Variants in GALNT1 observed in about 807,000 individuals in gnomAD.
GALNT1 encodes the protein GalNAc transferase 1.
GALNT1 carries 17 observed loss-of-function variants against 65.7 expected under a neutral mutation model. The observed-to-expected ratio is 0.26, with a 90% CI of 0.18 to 0.39. GALNT1 has a LOEUF of 0.39. GALNT1 is among the 10% of genes least tolerant of loss of function. The probability of loss-of-function intolerance (pLI) is 1.00; values close to 1 mark genes in which losing one functional copy is unlikely to be tolerated. For synonymous variants in GALNT1, 210 were observed against 219.7 expected (o/e 0.96, Z 0.39); for missense variants, 460 against 672.8 (o/e 0.68, Z 3.50).
intron 1 of GALNT1, among the ~76,000 whole-genome samples, chr18:35,635,581 G>A (rs996781964): frequency 1.7e-4 from 26 of 152,162 alleles, no homozygotes; most frequent in African/African-American, 5.8e-4. Flanking sequence ...GACCTGCTGT[G>A]TTAACTCGAT....
chr18:35,668,408 T>C (rs1197867733), intron 3 of GALNT1, among the ~76,000 whole-genome samples: 1 of 152,098 alleles, frequency 6.6e-6, no homozygotes, highest in African/African-American at 2.4e-5. Flanking sequence ...ACATCGAGTA[T>C]AGAGGCTCAA....
At chr18:35,661,456 C>T (rs1482969753) in intron 2 of GALNT1, among the ~76,000 whole-genome samples, 1 of 151,264 alleles carries the variant, frequency 6.6e-6, no homozygotes, top group African/African-American at 2.4e-5. Flanking sequence ...GCCAAGATTG[C>T]ACCACTGCAC....
At chr18:35,649,973 T>C (rs1321556758) in intron 1 of GALNT1, among the ~76,000 whole-genome samples, 3 of 152,170 alleles carry the variant, frequency 2.0e-5, no homozygotes, top group Non-Finnish European at 4.4e-5. Context: ...GTGCCGAAGA[T>C]TCCCAGATGA....
chr18:35,675,442 T>C (rs2047697622), intron 3 of GALNT1, among the ~76,000 whole-genome samples: 1 of 152,220 alleles, frequency 6.6e-6, no homozygotes, highest in South Asian at 2.1e-4. Flanking sequence ...ATATTGCTTC[T>C]CTCTCTGATT....
chr18:35,632,221 A>G (rs1483286588), intron 1 of GALNT1, among the ~76,000 whole-genome samples: 1 of 152,238 alleles, frequency 6.6e-6, no homozygotes, highest in African/African-American at 2.4e-5. Flanking sequence ...TATGGAGCCA[A>G]AAAAGAGCCC....
At chr18:35,630,649 G>C (rs1306493079) in intron 1 of GALNT1, among the ~76,000 whole-genome samples, 1 of 152,120 alleles carries the variant, frequency 6.6e-6, no homozygotes. Flanking sequence ...AAGAACTAGA[G>C]AAGCAAGAGC....
chr18:35,689,069 T>G, intron 6 of GALNT1, 104 bp from the exon 7 acceptor site: 1 of 767,736 alleles, frequency 1.3e-6, no homozygotes, highest in Non-Finnish European at 2.3e-6. Context: ...TGAGAATAAG[T>G]ACTTACTCAG....
intron 1 of GALNT1, among the ~76,000 whole-genome samples, chr18:35,582,910 T>G (rs990689334): frequency 2.0e-5 from 3 of 152,222 alleles, no homozygotes; most frequent in African/African-American, 7.2e-5. Flanking sequence ...ACTATTAAAA[T>G]TAAATTTTAA....
intron 1 of GALNT1, among the ~76,000 whole-genome samples, chr18:35,648,020 A>G (rs1455854373): frequency 6.8e-6 from 1 of 147,276 alleles, no homozygotes; most frequent in African/African-American, 2.6e-5. Flanking sequence ...GTCAAAAACA[A>G]AAAGAGAAGA....
chr18:35,672,741 A>T (rs2144536076), intron 3 of GALNT1, among the ~76,000 whole-genome samples: 1 of 151,990 alleles, frequency 6.6e-6, no homozygotes, highest in East Asian at 1.9e-4. Context: ...AGGAAGTGTA[A>T]GACAGATTCC....
At position 35,709,374 on chromosome 18, in the gene GALNT1, A is replaced by C. The variant is rs1319422695; in HGVS notation, c.1534-250A>C. ...TCTTGCAGCAAGTCAAGTGTACCCT[A>C]CTGGACCCCAGTGCCTTTCTCCCTC... On this transcript the variant is annotated intron_variant, in intron 11 of 11. Coordinates refer to ENST00000269195, the MANE Select transcript of GALNT1 (RefSeq NM_020474.4). 2.6e-5 allele frequency among the ~76,000 whole-genome samples: 4 copies of C among 151,794 alleles called. No homozygotes were observed. The East Asian group carries it at 7.7e-4, about 29-fold the overall frequency.
rs942941786 is a variant in GALNT1, at chr18:35,682,373, CTACTTT to C, written c.482-1015_482-1010del. ...ACTATGTAGGAAGCCTTTTGGATCTCTACTTTTAGTATTTAATTAATAGATATGAGG... is the reference window on the plus strand; with the variant it reads ...ACTATGTAGGAAGCCTTTTGGATCTCTAGTATTTAATTAATAGATATGAGG... On this transcript the variant is annotated intron_variant, in intron 4 of 11. Coordinates refer to ENST00000269195, the MANE Select transcript of GALNT1 (RefSeq NM_020474.4). Among the ~76,000 whole-genome samples the C allele has an allele frequency of 9.4e-4, 143 of 152,208 alleles. 1 individual carries two copies. The highest frequency in any genetic ancestry group is 3.0e-3 in the African/African-American group (124 of 41,540).
rs570800476 is a variant in GALNT1, at chr18:35,693,632, A to C, written c.1299+1312A>C. 8.5e-5 allele frequency among the ~76,000 whole-genome samples: 13 copies of C among 152,330 alleles called. No homozygotes were observed. In the East Asian group the frequency reaches 2.5e-3, roughly 29 times the overall value. ...AGACACTGACTGTAAAGTTGCCATT[A>C]CTGAGATGGGAAAACCTACAGGAAG... is the stretch of plus-strand genomic sequence containing the variant. On this transcript the variant is annotated intron_variant, in intron 9 of 11. Coordinates refer to ENST00000269195, the MANE Select transcript of GALNT1 (RefSeq NM_020474.4).
At chr18:35,663,323 A>G (rs1405406121) in intron 2 of GALNT1, among the ~76,000 whole-genome samples, 1 of 152,216 alleles carries the variant, frequency 6.6e-6, no homozygotes, top group East Asian at 1.9e-4. Context: ...CTAGGAGGCC[A>G]TAAGAATAAC....
chr18:35,658,902 G>C (rs1256721979), intron 2 of GALNT1, among the ~76,000 whole-genome samples: 1 of 152,006 alleles, frequency 6.6e-6, no homozygotes, highest in South Asian at 2.1e-4. Context: ...TAGAGACGGA[G>C]TTTCACCATG....
At chr18:35,594,637 T>C (rs2143893983) in intron 1 of GALNT1, among the ~76,000 whole-genome samples, 1 of 152,336 alleles carries the variant, frequency 6.6e-6, no homozygotes, top group South Asian at 2.1e-4. Flanking sequence ...AGGGATTTTT[T>C]GTGTGTCAAA....
chr18:35,646,193 C>T (rs935123959), intron 1 of GALNT1, among the ~76,000 whole-genome samples: 3 of 152,116 alleles, frequency 2.0e-5, no homozygotes, highest in Non-Finnish European at 4.4e-5. Context: ...GGAAGTGCCA[C>T]ACATTTGTAA....
At chr18:35,623,621 A>G (rs2046882489) in intron 1 of GALNT1, among the ~76,000 whole-genome samples, 1 of 152,096 alleles carries the variant, frequency 6.6e-6, no homozygotes, top group African/African-American at 2.4e-5. Context: ...TTTCCTTTTC[A>G]GATGGGATAA....
chr18:35,676,664 AAG>A (rs1008126011), intron 3 of GALNT1, among the ~76,000 whole-genome samples: 1 of 152,204 alleles, frequency 6.6e-6, no homozygotes, highest in African/African-American at 2.4e-5. Flanking sequence ...TAAAGGAAGA[AAG>A]AGGAGGGTGG....
Sources: gnomAD v4.1 joint callset for allele counts (sites outside exome capture counted in the v4.1 genomes callset) on GRCh38, gnomAD v4.1.1 for gene constraint, MANE v1.5 for transcripts, NCBI Gene and HGNC (gene_info 2026-07-23, HGNC 2026-07-21) for gene names.